Variants in WDR47 observed in about 807,000 individuals in gnomAD.
WDR47 encodes WD repeat domain 47.
WDR47 carries 32 observed loss-of-function variants against 97.2 expected under a neutral mutation model. The ratio of observed to expected loss-of-function variants is 0.33; its 90% CI spans 0.25 to 0.44. WDR47 has a LOEUF of 0.44. WDR47 is among the 20% of genes least tolerant of loss of function. The probability of loss-of-function intolerance (pLI) is 1.00; values close to 1 mark genes in which losing one functional copy is unlikely to be tolerated. For missense variants in WDR47, 782 were observed against 1,102.3 expected, an observed-to-expected ratio of 0.71 and a Z score of 4.11; for synonymous variants, 375 against 373.5, an observed-to-expected ratio of 1.00 and a Z score of -0.05.
chr1:109,024,459 AAAAG>A (rs1008017933), intron 1 of WDR47, among the ~76,000 whole-genome samples: 3 of 152,138 alleles, frequency 2.0e-5, no homozygotes, highest in African/African-American at 7.2e-5. Flanking sequence ...TCTCAAAAAA[AAAAG>A]AAAGAAAAAA....
intron 1 of WDR47, among the ~76,000 whole-genome samples, chr1:109,029,605 G>A (rs1044542633): frequency 1.3e-5 from 2 of 151,784 alleles, no homozygotes; most frequent in Non-Finnish European, 2.9e-5. Flanking sequence ...CTGGGAGGCA[G>A]AGTTTGCAGT....
intron 1 of WDR47, 62 bp from the exon 2 acceptor site, chr1:109,023,583 C>A (rs1249931511): frequency 1.3e-6 from 2 of 1,509,834 alleles, no homozygotes; most frequent in Non-Finnish European, 1.8e-6. Flanking sequence ...AGTTTAACTG[C>A]CTGGCAACTA....
intron 1 of WDR47, among the ~76,000 whole-genome samples, chr1:109,039,420 G>A (rs1031409734): frequency 6.6e-6 from 1 of 152,084 alleles, no homozygotes; most frequent in African/African-American, 2.4e-5. Context: ...ACCATGCCCA[G>A]TTAATTTTTA....
chr1:109,001,559 T>C (rs951522753), intron 7 of WDR47, among the ~76,000 whole-genome samples: 2 of 152,124 alleles, frequency 1.3e-5, no homozygotes, highest in Admixed American at 6.6e-5. Context: ...ACTCTATTTA[T>C]CCTCATGGTA....
intron 8 of WDR47, among the ~76,000 whole-genome samples, chr1:108,994,084 G>A (rs901897771): frequency 6.6e-6 from 1 of 152,136 alleles, no homozygotes; most frequent in Non-Finnish European, 1.5e-5. Flanking sequence ...GAGTATGGTA[G>A]AGAATCAACA....
Position 108,995,577 on chromosome 1 carries a change from T to C in WDR47, c.1691+3A>G. On this transcript the variant is annotated splice_donor_region_variant and intron_variant, in intron 8 of 14. Transcript: ENST00000369962. ...TCCAAGTTTTACAAAGTCAAGCACT[T>C]ACATTTGGCTTCCACAAGGTGATTC... 6.2e-7 allele frequency: 1 copy of C among 1,613,746 alleles called. No homozygotes were observed.
Position 108,971,348 on chromosome 1 carries a change from T to C in WDR47, c.*82A>G. ...TGCTAAACCACTTTCCTGGACACTA[T>C]GTTCTTCAGATTTGTAATTTTCACA... On this transcript the variant is annotated 3_prime_UTR_variant, in exon 15 of 15. Coordinates refer to ENST00000369962, the MANE Select transcript of WDR47 (RefSeq NM_001142551.2). 2.5e-6 allele frequency: 4 copies of C among 1,573,962 alleles called. No individual in the cohort carries two copies. Among genetic ancestry groups the C allele is most frequent in the Non-Finnish European group, 3.5e-6 (4 of 1,154,278 alleles).
Position 108,981,737 on chromosome 1 carries a change from T to G in WDR47, c.2394A>C (p.Gly798=). Residue 798 remains glycine (G), a synonymous_variant, in exon 13 of 15, where the codon GGA becomes GGC. Transcript: ENST00000369962. Reference sequence around the variant, plus strand: ...ATCATTTAAAGAAAAACCTACCAGTTCCATGAAATGTTGTGCCAACAACAC... The same window carrying G: ...ATCATTTAAAGAAAAACCTACCAGTGCCATGAAATGTTGTGCCAACAACAC... The part of the protein sequence containing the change: ...CVRVVGTTFH[G]TGSAVASVAV... 2 of 1,611,710 alleles carry G rather than the reference T, an allele frequency of 1.2e-6. No individual in the cohort carries two copies. The highest frequency in any genetic ancestry group is 1.7e-6 in the Non-Finnish European group (2 of 1,179,084).
Position 108,997,212 on chromosome 1 carries a change from G to A in WDR47, c.1434-1375C>T, listed in dbSNP as rs1299162991. ...AGGCCAAGGCAGAAGGATTGCTTGA[G>A]CTCGGGAGTTTGAGACTAGCCTGGG... On this transcript the variant is annotated intron_variant, in intron 7 of 14. Transcript: ENST00000369962. Among the ~76,000 whole-genome samples the A allele has an allele frequency of 1.3e-4, 20 of 151,472 alleles. No individual in the cohort carries two copies. The South Asian group carries it at 3.5e-3, about 27-fold the overall frequency.
rs113622110 is a variant in WDR47, at chr1:109,008,980, G to A, written c.1130+1936C>T. On this transcript the variant is annotated intron_variant, in intron 5 of 14. Transcript: ENST00000369962. ...CACGCCTGTAATCCCAGCTACTCGG[G>A]AGGCTGAGGCAGGAGAATCGCTTGA... Among the ~76,000 whole-genome samples, 913 of 152,206 alleles carry A rather than the reference G, an allele frequency of 6.0e-3. 5 individuals carry two copies. The highest frequency in any genetic ancestry group is 8.7e-3 in the Non-Finnish European group (591 of 68,008).
chr1:108,991,069 CA>C (rs1364910992), intron 9 of WDR47, among the ~76,000 whole-genome samples, 184 bp downstream of exon 9: 9 of 151,808 alleles, frequency 5.9e-5, no homozygotes, highest in African/African-American at 2.2e-4. Flanking sequence ...CGGCTATCCA[CA>C]GGTGCGATTC....
At chr1:108,997,590 A>C (rs1469447651) in intron 7 of WDR47, among the ~76,000 whole-genome samples, 1 of 151,774 alleles carries the variant, frequency 6.6e-6, no homozygotes, top group Non-Finnish European at 1.5e-5. Flanking sequence ...CCCCGTCTCT[A>C]CTAAAAATAC....
At chr1:109,012,008 TCATA>T (rs1407518278) in intron 4 of WDR47, among the ~76,000 whole-genome samples, 1 of 152,104 alleles carries the variant, frequency 6.6e-6, no homozygotes, top group African/African-American at 2.4e-5. Flanking sequence ...CAGGGGTTAT[TCATA>T]CACACAAATA....
At chr1:109,023,249 G>T in intron 2 of WDR47, 106 bp downstream of exon 2, 1 of 1,037,648 alleles carries the variant, frequency 9.6e-7, no homozygotes, top group Non-Finnish European at 1.3e-6. Flanking sequence ...TACTTACATA[G>T]CCTTTTCATG....
intron 10 of WDR47, among the ~76,000 whole-genome samples, chr1:108,985,329 C>T (rs1012675496): frequency 4.6e-5 from 7 of 152,076 alleles, no homozygotes; most frequent in Non-Finnish European, 7.4e-5. Flanking sequence ...ACCTCACGTT[C>T]CCTCTATATT....
chr1:109,035,321 C>G (rs1662868027), intron 1 of WDR47, among the ~76,000 whole-genome samples: 1 of 150,122 alleles, frequency 6.7e-6, no homozygotes, highest in Non-Finnish European at 1.5e-5. Flanking sequence ...GTGTGATTAT[C>G]TCTGAAGAAA....
In WDR47 at chr1:109,008,787, T is replaced by C. The variant is rs563395019; in HGVS notation, c.1130+2129A>G. Among the ~76,000 whole-genome samples, 11 of 151,814 alleles carry C rather than the reference T, an allele frequency of 7.2e-5. No individual in the cohort carries two copies. The South Asian group carries it at 2.3e-3, about 32-fold the overall frequency. On this transcript the variant is annotated intron_variant, in intron 5 of 14. Transcript: ENST00000369962. ...CACACCCAACTAATTTTTGTATTTT[T>C]AGTAGAGACAGGGTTTCATCATGTT...
chr1:109,013,642 A>G (rs1661205003), intron 4 of WDR47, among the ~76,000 whole-genome samples, 199 bp downstream of exon 4: 2 of 152,332 alleles, frequency 1.3e-5, no homozygotes, highest in South Asian at 2.1e-4. Flanking sequence ...AGCTATTTAT[A>G]TATCTTGGCT....
intron 14 of WDR47, among the ~76,000 whole-genome samples, chr1:108,973,568 A>G (rs2101773278): frequency 6.6e-6 from 1 of 152,336 alleles, no homozygotes; most frequent in South Asian, 2.1e-4. Flanking sequence ...TGTAGAAGCT[A>G]ATAACAGTAC....
Sources: gnomAD v4.1 joint callset for allele counts (sites outside exome capture counted in the v4.1 genomes callset) on GRCh38, gnomAD v4.1.1 for gene constraint, MANE v1.5 for transcripts, NCBI Gene and HGNC (gene_info 2026-07-23, HGNC 2026-07-21) for gene names.